The following PAK5 variants were observed in gnomAD, a reference collection of about 807,000 sequenced individuals.
PAK5 encodes p21 (RAC1) activated kinase 5, also known as serine/threonine-protein kinase PAK 5.
A neutral mutation model predicts 65.9 loss-of-function variants in PAK5; 16 were observed. The observed-to-expected ratio is 0.24, with a 90% CI of 0.16 to 0.37. The LOEUF (loss-of-function observed/expected upper bound fraction) is 0.37, where lower values mean the gene tolerates loss of function less well. Among genes scored for constraint, PAK5 ranks in the 10% least tolerant of loss-of-function variants. PAK5 has a pLI of 1.00. For synonymous variants in PAK5, 371 were observed against 354.9 expected (o/e 1.05, Z -0.51); for missense variants, 785 against 903.9 (o/e 0.87, Z 1.69).
intron 9 of PAK5, 129 bp downstream of exon 9, chr20:9,542,457 T>C: frequency 1.1e-6 from 1 of 920,776 alleles, no homozygotes; most frequent in South Asian, 1.4e-5. Flanking sequence ...CCTAAGTGAC[T>C]ATTTCCAAAG....
intron 3 of PAK5, among the ~76,000 whole-genome samples, chr20:9,631,736 T>C (rs190071735): frequency 1.3e-5 from 2 of 152,332 alleles, no homozygotes; most frequent in African/African-American, 4.8e-5. Context: ...ATGAAGGTTC[T>C]CAACAGGTGA....
intron 5 of PAK5, among the ~76,000 whole-genome samples, chr20:9,565,330 G>A (rs1157912739): frequency 6.6e-6 from 1 of 152,052 alleles, no homozygotes; most frequent in Non-Finnish European, 1.5e-5. Context: ...TACTTTCCAT[G>A]TATTCTACAG....
At chr20:9,543,933 A>C (rs141627123) in intron 8 of PAK5, among the ~76,000 whole-genome samples, 2 of 152,000 alleles carry the variant, frequency 1.3e-5, no homozygotes, top group East Asian at 3.9e-4. Context: ...TGTGAGATGT[A>C]AACTGTGTTG....
At chr20:9,774,546 C>T (rs1277408372) in intron 1 of PAK5, among the ~76,000 whole-genome samples, 3 of 152,096 alleles carry the variant, frequency 2.0e-5, no homozygotes, top group East Asian at 1.9e-4. Flanking sequence ...AAAAAATGTA[C>T]AGGATTATTC....
intron 3 of PAK5, among the ~76,000 whole-genome samples, chr20:9,594,967 C>T (rs6039518): frequency 0.16 from 24,482 of 151,620 alleles, 2,314 homozygotes; most frequent in East Asian, 0.29. Flanking sequence ...ATATTTATTA[C>T]GGAGAGAATT....
At chr20:9,731,357 C>T (rs1206235393) in intron 1 of PAK5, among the ~76,000 whole-genome samples, 1 of 152,148 alleles carries the variant, frequency 6.6e-6, no homozygotes, top group African/African-American at 2.4e-5. Flanking sequence ...ACCATTTCAG[C>T]ATGTATCAGT....
chr20:9,820,908 A>G (rs1454059893), intron 1 of PAK5, among the ~76,000 whole-genome samples: 1 of 152,212 alleles, frequency 6.6e-6, no homozygotes, highest in Non-Finnish European at 1.5e-5. Context: ...GGAAGGCTCA[A>G]TGTTGGTGAT....
At chr20:9,658,350 C>T (rs973756577) in intron 2 of PAK5, among the ~76,000 whole-genome samples, 1 of 152,188 alleles carries the variant, frequency 6.6e-6, no homozygotes, top group African/African-American at 2.4e-5. Context: ...ACTGACTGGT[C>T]TAGGATGGCC....
intron 1 of PAK5, among the ~76,000 whole-genome samples, chr20:9,772,219 C>T (rs2048841189): frequency 7.9e-5 from 12 of 152,146 alleles, no homozygotes; most frequent in Admixed American, 7.9e-4. Context: ...TGAGAGCAGC[C>T]ACCTGGAGCT....
At chr20:9,766,365 A>ATGT (rs1232783466) in intron 1 of PAK5, among the ~76,000 whole-genome samples, 1 of 110,648 alleles carries the variant, frequency 9.0e-6, no homozygotes. Flanking sequence ...GAATATATAT[A>ATGT]TATATTCAAG....
intron 2 of PAK5, among the ~76,000 whole-genome samples, chr20:9,693,468 CCTCT>C (rs146052345): frequency 1.3e-5 from 2 of 149,546 alleles, no homozygotes; most frequent in African/African-American, 2.4e-5. Flanking sequence ...CCTTTCTCTC[CCTCT>C]CTCTCTCTCT....
chr20:9,582,672 T>C (rs758902432), intron 3 of PAK5, among the ~76,000 whole-genome samples: 10 of 152,090 alleles, frequency 6.6e-5, no homozygotes, highest in Admixed American at 1.3e-4. Context: ...AAGCTTTATC[T>C]TCTTGGGTGT....
intron 2 of PAK5, among the ~76,000 whole-genome samples, chr20:9,655,241 G>A (rs1248001225): frequency 1.3e-5 from 2 of 152,274 alleles, no homozygotes. Flanking sequence ...GTTGTGGATG[G>A]TTCTAACAAA....
intron 6 of PAK5, among the ~76,000 whole-genome samples, chr20:9,558,035 T>TTCATTCATTC (rs1568961842): frequency 1.6e-5 from 2 of 125,416 alleles, no homozygotes; most frequent in Admixed American, 7.4e-5. Context: ...TTTATTTATT[T>TTCATTCATTC]ATTTATTTAT....
intron 3 of PAK5, among the ~76,000 whole-genome samples, chr20:9,617,460 T>TA (rs2046678698): frequency 6.6e-6 from 1 of 151,922 alleles, no homozygotes. Context: ...CTAGCACAGT[T>TA]AAGCGCTTAA....
chr20:9,629,716 T>C (rs992819803), intron 3 of PAK5, among the ~76,000 whole-genome samples: 8 of 152,170 alleles, frequency 5.3e-5, no homozygotes, highest in Non-Finnish European at 1.0e-4. Flanking sequence ...AAAGTCCATA[T>C]CTTTAAACAA....
intron 3 of PAK5, among the ~76,000 whole-genome samples, chr20:9,582,365 A>G (rs778937474): frequency 6.2e-4 from 94 of 152,242 alleles, no homozygotes; most frequent in Non-Finnish European, 1.2e-3. Context: ...CTGGTGAGGT[A>G]TTTTGGAGAA....
chr20:9,756,771 A>G (rs1390514114), intron 1 of PAK5, among the ~76,000 whole-genome samples: 1 of 152,038 alleles, frequency 6.6e-6, no homozygotes, highest in African/African-American at 2.4e-5. Context: ...TTTTTTGGAC[A>G]GTGCTGAACT....
intron 2 of PAK5, among the ~76,000 whole-genome samples, chr20:9,701,844 T>A (rs952804833): frequency 2.0e-5 from 3 of 151,646 alleles, no homozygotes; most frequent in African/African-American, 7.3e-5. Flanking sequence ...ACTAAAAATA[T>A]AAAAAATTAG....
Sources: gnomAD v4.1 joint callset for allele counts (sites outside exome capture counted in the v4.1 genomes callset) on GRCh38, gnomAD v4.1.1 for gene constraint, MANE v1.5 for transcripts, NCBI Gene and HGNC (gene_info 2026-07-23, HGNC 2026-07-21) for gene names.